CSMD1: variants seen among roughly 807,000 people sequenced by gnomAD.
CSMD1 encodes the protein CUB and sushi domain-containing protein 1.
A neutral mutation model predicts 417.5 loss-of-function variants in CSMD1; 213 were observed. That is an observed-to-expected ratio of 0.51 (90% CI 0.46 to 0.57). The LOEUF is 0.57. CSMD1 is among the 20% of genes least tolerant of loss of function. The pLI is 0.00. For synonymous variants in CSMD1, 2,862 were observed against 1,736.8 expected (o/e 1.65, Z -16.11); for missense variants, 6,923 against 4,529.7 (o/e 1.53, Z -15.17).
chr8:4,019,328 T>C (rs1290540307), intron 4 of CSMD1, among the ~76,000 whole-genome samples: 2 of 152,212 alleles, frequency 1.3e-5, no homozygotes, highest in Non-Finnish European at 2.9e-5. Flanking sequence ...TGTCTCTCTC[T>C]TGCTTATCTG....
chr8:3,030,537 C>T (rs2128977139), intron 50 of CSMD1, among the ~76,000 whole-genome samples: 1 of 152,106 alleles, frequency 6.6e-6, no homozygotes, highest in East Asian at 1.9e-4. Flanking sequence ...AGGGCAGTGG[C>T]ATGATCACGG....
chr8:3,141,853 A>G lies in CSMD1; in HGVS notation c.6241+612T>C, dbSNP rs1362787040. 1.4e-4 allele frequency among the ~76,000 whole-genome samples: 21 copies of G among 148,766 alleles called. No individual in the cohort carries two copies. In the South Asian group the frequency reaches 2.6e-3, roughly 18 times the overall value. On this transcript the variant is annotated intron_variant, in intron 41 of 69. Transcript: ENST00000635120. ...GGCTCTGTCGCCCAGGCTGGAGTGCAGTGGCGCGATCTCTCCTCACTGCAA... is the reference window on the plus strand; with the variant it reads ...GGCTCTGTCGCCCAGGCTGGAGTGCGGTGGCGCGATCTCTCCTCACTGCAA...
chr8:4,632,134 G>C (rs1802554967), intron 2 of CSMD1, among the ~76,000 whole-genome samples: 1 of 152,184 alleles, frequency 6.6e-6, no homozygotes, highest in Non-Finnish European at 1.5e-5. Flanking sequence ...TCATTTAGGA[G>C]AGAGTTACAT....
intron 5 of CSMD1, among the ~76,000 whole-genome samples, chr8:3,929,280 C>G (rs1809972060): frequency 6.6e-6 from 1 of 150,432 alleles, no homozygotes; most frequent in African/African-American, 2.5e-5. Context: ...CCTACATTCC[C>G]TCAATGAGAA....
chr8:3,888,846 G>T (rs879693499), intron 5 of CSMD1, among the ~76,000 whole-genome samples: 2 of 152,060 alleles, frequency 1.3e-5, no homozygotes, highest in Non-Finnish European at 2.9e-5. Context: ...GATGCCCTCT[G>T]TCTATAAATG....
intron 3 of CSMD1, among the ~76,000 whole-genome samples, chr8:4,416,568 G>A (rs1276938078): frequency 2.6e-5 from 4 of 151,928 alleles, no homozygotes; most frequent in South Asian, 2.1e-4. Flanking sequence ...TTTAGCTTAC[G>A]TTTTTACTAA....
chr8:4,828,029 G>C (rs1799934372), intron 1 of CSMD1, among the ~76,000 whole-genome samples: 1 of 152,084 alleles, frequency 6.6e-6, no homozygotes, highest in Non-Finnish European at 1.5e-5. Flanking sequence ...ATTTAAGCCA[G>C]CTACAATCAA....
chr8:3,182,487 T>C (rs1821397790), intron 36 of CSMD1, among the ~76,000 whole-genome samples: 1 of 152,034 alleles, frequency 6.6e-6, no homozygotes, highest in African/African-American at 2.4e-5. Context: ...AGTCCTGGGA[T>C]TACAGGTGTG....
chr8:4,787,140 C>T (rs771195288), intron 1 of CSMD1, among the ~76,000 whole-genome samples: 4 of 152,200 alleles, frequency 2.6e-5, no homozygotes, highest in Non-Finnish European at 5.9e-5. Flanking sequence ...AAACTATCCG[C>T]CTATACCCCT....
At chr8:4,816,579 C>A (rs1270911860) in intron 1 of CSMD1, among the ~76,000 whole-genome samples, 2 of 152,118 alleles carry the variant, frequency 1.3e-5, no homozygotes, top group Admixed American at 1.3e-4. Context: ...AATCAAGAGC[C>A]TTCTGAGTGT....
intron 65 of CSMD1, 135 bp from the exon 66 acceptor site, chr8:2,951,410 T>C (rs1051902133): frequency 1.1e-5 from 10 of 876,498 alleles, no homozygotes; most frequent in Non-Finnish European, 1.5e-5. Context: ...AAGAGGAGCC[T>C]AGTGCATCGC....
chr8:4,016,666 G>C (rs1288292644), intron 4 of CSMD1, among the ~76,000 whole-genome samples: 1 of 152,202 alleles, frequency 6.6e-6, no homozygotes, highest in Non-Finnish European at 1.5e-5. Context: ...GTCTTACTCT[G>C]TAAAGCAAGA....
chr8:3,924,867 C>T (rs1163273415), intron 5 of CSMD1, among the ~76,000 whole-genome samples: 3 of 152,020 alleles, frequency 2.0e-5, no homozygotes, highest in Non-Finnish European at 4.4e-5. Flanking sequence ...ATTCTCATTT[C>T]TTTAGGGTTT....
intron 3 of CSMD1, among the ~76,000 whole-genome samples, chr8:4,040,733 A>G (rs1404073006): frequency 3.3e-5 from 5 of 152,210 alleles, no homozygotes; most frequent in African/African-American, 1.2e-4. Context: ...AGACTGCAGC[A>G]AAGTCAAAAA....
chr8:3,881,393 T>C (rs1806193273), intron 5 of CSMD1, among the ~76,000 whole-genome samples: 1 of 151,052 alleles, frequency 6.6e-6, no homozygotes, highest in Non-Finnish European at 1.5e-5. Flanking sequence ...CCCAGCACTT[T>C]GGGAGGCCGA....
At chr8:4,891,140 T>C (rs947844376) in intron 1 of CSMD1, among the ~76,000 whole-genome samples, 8 of 152,170 alleles carry the variant, frequency 5.3e-5, no homozygotes, top group African/African-American at 1.9e-4. Context: ...TGCCACGGTA[T>C]GAACTCTGTG....
chr8:3,564,387 C>T (rs985266291), intron 10 of CSMD1, among the ~76,000 whole-genome samples: 2 of 152,204 alleles, frequency 1.3e-5, no homozygotes, highest in Non-Finnish European at 2.9e-5. Flanking sequence ...GACATTCATT[C>T]ACTCACACCT....
chr8:4,013,364 G>A (rs1256910999), intron 4 of CSMD1, among the ~76,000 whole-genome samples: 1 of 152,106 alleles, frequency 6.6e-6, no homozygotes, highest in Non-Finnish European at 1.5e-5. Flanking sequence ...TGATCCCTCT[G>A]TCAGAACCAC....
intron 3 of CSMD1, among the ~76,000 whole-genome samples, chr8:4,177,413 T>TG (rs1423913696): frequency 6.6e-6 from 1 of 152,016 alleles, no homozygotes; most frequent in Non-Finnish European, 1.5e-5. Flanking sequence ...CCAGAATCTC[T>TG]GGGGCACATT....
Sources: gnomAD v4.1 joint callset for allele counts (sites outside exome capture counted in the v4.1 genomes callset) on GRCh38, gnomAD v4.1.1 for gene constraint, MANE v1.5 for transcripts, NCBI Gene and HGNC (gene_info 2026-07-23, HGNC 2026-07-21) for gene names.